The following CALN1 variants were observed in gnomAD, a reference collection of about 807,000 sequenced individuals.
CALN1 encodes the protein calcium-binding protein 8.
A neutral mutation model predicts 30.6 loss-of-function variants in CALN1; 17 were observed. The observed-to-expected ratio is 0.56, with a 90% CI of 0.38 to 0.83. CALN1 has a LOEUF of 0.83. Ranked by LOEUF, CALN1 falls within the 40% of genes least tolerant of loss-of-function variation. The probability of loss-of-function intolerance (pLI) is 0.00; values close to 1 mark genes in which losing one functional copy is unlikely to be tolerated. For missense variants in CALN1, 291 were observed against 354.9 expected (o/e 0.82, Z 1.45); for synonymous variants, 156 against 131.4 (o/e 1.19, Z -1.28).
intron 5 of CALN1, among the ~76,000 whole-genome samples, chr7:71,880,346 A>T (rs919084004): frequency 6.6e-6 from 1 of 152,132 alleles, no homozygotes; most frequent in Non-Finnish European, 1.5e-5. Flanking sequence ...CTTCAGGAAG[A>T]CTATAATTAC....
intron 2 of CALN1, among the ~76,000 whole-genome samples, chr7:72,398,630 T>C (rs1345425850): frequency 6.6e-6 from 1 of 152,208 alleles, no homozygotes; most frequent in African/African-American, 2.4e-5. Flanking sequence ...GCATCATGGA[T>C]GAGTCAGCTC....
chr7:71,886,756 A>G (rs1214013840), intron 5 of CALN1, among the ~76,000 whole-genome samples: 1 of 150,018 alleles, frequency 6.7e-6, no homozygotes, highest in Non-Finnish European at 1.5e-5. Flanking sequence ...CTGGACAACA[A>G]AAGTGAGACT....
At chr7:72,208,667 T>A (rs959294537) in intron 3 of CALN1, among the ~76,000 whole-genome samples, 3 of 152,210 alleles carry the variant, frequency 2.0e-5, no homozygotes, top group Non-Finnish European at 4.4e-5. Flanking sequence ...GACTTTTTTT[T>A]AATGGATGTA....
rs558429191 is a variant in CALN1 at position 72,401,852 on chromosome 7, G to A, written c.119+1399C>T. Among the ~76,000 whole-genome samples the A allele has an allele frequency of 2.0e-4, 31 of 152,198 alleles. No homozygotes were observed. In the South Asian group the frequency reaches 2.3e-3, roughly 11 times the overall value. On this transcript the variant is annotated intron_variant, in intron 2 of 6. Transcript: ENST00000395275. ...GCTTTCTGTAAGGCAGCCCTCCTAG[G>A]ACTTACCAAAATGTTTCTCTTACTC...
At chr7:72,112,031 A>G (rs1807615259) in intron 3 of CALN1, among the ~76,000 whole-genome samples, 1 of 152,154 alleles carries the variant, frequency 6.6e-6, no homozygotes, top group Non-Finnish European at 1.5e-5. Context: ...GATAACAGGC[A>G]TGAGCCACCG....
At chr7:71,930,950 A>G (rs1440421002) in intron 5 of CALN1, among the ~76,000 whole-genome samples, 2 of 152,202 alleles carry the variant, frequency 1.3e-5, no homozygotes, top group Non-Finnish European at 2.9e-5. Flanking sequence ...AACACCGTAC[A>G]TGTTTCTAGA....
chr7:72,118,374 T>C (rs986753610), intron 3 of CALN1, among the ~76,000 whole-genome samples: 11 of 152,226 alleles, frequency 7.2e-5, no homozygotes, highest in Non-Finnish European at 1.6e-4. Flanking sequence ...GGTAACTTTA[T>C]GAGGTGGTGA....
chr7:72,375,008 T>C (rs1484957357), intron 2 of CALN1, among the ~76,000 whole-genome samples: 1 of 148,856 alleles, frequency 6.7e-6, no homozygotes, highest in Non-Finnish European at 1.5e-5. Context: ...TTATTTATAC[T>C]TACAAAAACT....
intron 5 of CALN1, among the ~76,000 whole-genome samples, chr7:71,996,960 C>T (rs879639101): frequency 1.1e-4 from 17 of 151,894 alleles, no homozygotes; most frequent in African/African-American, 2.4e-4. Flanking sequence ...GGCTTGGTGG[C>T]GCACATCTAT....
chr7:71,840,734 G>T (rs1789891444), intron 5 of CALN1, among the ~76,000 whole-genome samples: 1 of 152,028 alleles, frequency 6.6e-6, no homozygotes, highest in Non-Finnish European at 1.5e-5. Context: ...CAGTTGTGAG[G>T]CTGAAATGAA....
At chr7:71,790,122 GA>G (rs1562779250) in intron 6 of CALN1, among the ~76,000 whole-genome samples, 1 of 64,168 alleles carries the variant, frequency 1.6e-5, no homozygotes, top group African/African-American at 6.1e-5. Context: ...GAGAGAGAGA[GA>G]AGAAAGAAGA....
chr7:71,985,608 G>C (rs74427609), intron 5 of CALN1, among the ~76,000 whole-genome samples: 1 of 25,910 alleles, frequency 3.9e-5, no homozygotes, highest in Non-Finnish European at 7.4e-5. Flanking sequence ...TTTTTTTTTT[G>C]AGATGGAGTA....
upstream of CALN1, among the ~76,000 whole-genome samples, chr7:72,412,689 G>C (rs963144064): frequency 2.0e-5 from 3 of 152,150 alleles, no homozygotes; most frequent in Non-Finnish European, 4.4e-5. Context: ...CATGGAACCT[G>C]CTTTGGGAAA....
chr7:72,196,744 T>C (rs1791034890), intron 3 of CALN1, among the ~76,000 whole-genome samples: 1 of 152,240 alleles, frequency 6.6e-6, no homozygotes, highest in Non-Finnish European at 1.5e-5. Flanking sequence ...TTTTATGTGC[T>C]TGCCACTATA....
chr7:72,326,468 T>C (rs1405838941), intron 2 of CALN1, among the ~76,000 whole-genome samples: 1 of 152,234 alleles, frequency 6.6e-6, no homozygotes, highest in African/African-American at 2.4e-5. Context: ...ATGGAATATG[T>C]GTTTATGTGT....
chr7:72,101,049 T>G (rs1806626055), intron 4 of CALN1, among the ~76,000 whole-genome samples: 1 of 151,780 alleles, frequency 6.6e-6, no homozygotes, highest in Non-Finnish European at 1.5e-5. Context: ...CTGCAACCTC[T>G]GCCTCCTGGG....
chr7:72,081,610 C>T (rs911483231), intron 4 of CALN1, among the ~76,000 whole-genome samples: 4 of 152,076 alleles, frequency 2.6e-5, no homozygotes, highest in South Asian at 2.1e-4. Context: ...TTTGTAGAGA[C>T]GAGGTCTCAC....
At chr7:71,995,795 T>C (rs982636062) in intron 5 of CALN1, among the ~76,000 whole-genome samples, 3 of 151,388 alleles carry the variant, frequency 2.0e-5, no homozygotes, top group Admixed American at 6.6e-5. Context: ...ATCCTTGTGG[T>C]TGAATCCACT....
intron 3 of CALN1, among the ~76,000 whole-genome samples, chr7:72,277,876 T>C (rs1261867694): frequency 1.3e-5 from 2 of 152,150 alleles, no homozygotes; most frequent in African/African-American, 4.8e-5. Flanking sequence ...ATTTAAACTT[T>C]GTGCCTTAAA....
Sources: allele counts gnomAD v4.1 joint callset (sites outside exome capture counted in the v4.1 genomes callset), GRCh38; gene constraint gnomAD v4.1.1; transcripts MANE v1.5; gene names NCBI Gene and HGNC (gene_info 2026-07-23, HGNC 2026-07-21).